The following CPNE4 variants were observed in gnomAD, a reference collection of about 807,000 sequenced individuals.
The protein encoded by CPNE4 is copine 4.
Under a neutral mutation model 67.9 loss-of-function variants are expected in CPNE4, and 25 were observed. The observed-to-expected ratio is 0.37, with a 90% confidence interval of 0.27 to 0.51. CPNE4 has a LOEUF of 0.51. Ranked by LOEUF, CPNE4 falls within the 20% of genes least tolerant of loss-of-function variation. CPNE4 has a pLI of 0.93. For missense variants in CPNE4, 464 were observed against 690.8 expected, an observed-to-expected ratio of 0.67 and a Z score of 3.68; for synonymous variants, 242 against 244.9, an observed-to-expected ratio of 0.99 and a Z score of 0.11.
intron 2 of CPNE4, among the ~76,000 whole-genome samples, chr3:131,878,300 C>T (rs567754757): frequency 1.6e-4 from 24 of 152,210 alleles, no homozygotes; most frequent in African/African-American, 4.8e-4. Flanking sequence ...TGATAATGAA[C>T]GAATGACTAC....
intron 2 of CPNE4, among the ~76,000 whole-genome samples, chr3:131,827,478 C>T (rs1023113312): frequency 7.9e-5 from 12 of 151,996 alleles, no homozygotes; most frequent in Middle Eastern, 3.2e-3. Context: ...AAAGCAGCAA[C>T]GGACAAATAA....
chr3:131,572,941 C>T (rs1291557045), intron 10 of CPNE4, among the ~76,000 whole-genome samples: 1 of 152,026 alleles, frequency 6.6e-6, no homozygotes, highest in Non-Finnish European at 1.5e-5. Context: ...TAAACACTTA[C>T]AGACCAAATT....
chr3:131,831,067 C>T (rs1176806455), intron 2 of CPNE4, among the ~76,000 whole-genome samples: 1 of 151,576 alleles, frequency 6.6e-6, no homozygotes, highest in Admixed American at 6.6e-5. Flanking sequence ...GAGTGGAGGA[C>T]TGTTTTTAAA....
At chr3:131,723,382 G>A (rs919637065) in intron 3 of CPNE4, 64 bp downstream of exon 3, 4 of 1,406,364 alleles carry the variant, frequency 2.8e-6, no homozygotes, top group Non-Finnish European at 4.0e-6. Context: ...GGAAGAGAGG[G>A]AAAGGGGGCA....
At chr3:131,867,775 A>G (rs533395804) in intron 2 of CPNE4, among the ~76,000 whole-genome samples, 8 of 152,256 alleles carry the variant, frequency 5.3e-5, no homozygotes, top group African/African-American at 1.9e-4. Context: ...GAAAAATAAC[A>G]TCCTCTCTTT....
At chr3:131,914,694 C>T (rs1447751637) in intron 1 of CPNE4, among the ~76,000 whole-genome samples, 12 of 152,206 alleles carry the variant, frequency 7.9e-5, no homozygotes, top group Admixed American at 1.3e-4. Flanking sequence ...AACTTGCTTT[C>T]GGGTGGGCAC....
chr3:131,989,093 GC>G (rs10715875), intron 1 of CPNE4, among the ~76,000 whole-genome samples: 3,675 of 152,280 alleles, frequency 0.024, 136 homozygotes, highest in African/African-American at 0.082. Flanking sequence ...TCAGAGTGAT[GC>G]ATTTTAAAGG....
At chr3:131,863,536 G>A (rs148703542) in intron 2 of CPNE4, among the ~76,000 whole-genome samples, 12,905 of 152,138 alleles carry the variant, frequency 0.085, 583 homozygotes, top group East Asian at 0.11. Flanking sequence ...CATATCCTTC[G>A]CCCACTTTTT....
chr3:131,965,058 G>A (rs1482050831), intron 1 of CPNE4, among the ~76,000 whole-genome samples: 1 of 152,140 alleles, frequency 6.6e-6, no homozygotes, highest in Non-Finnish European at 1.5e-5. Context: ...GAAGAGAGTG[G>A]GGGCCAATAT....
intron 1 of CPNE4, among the ~76,000 whole-genome samples, chr3:131,954,894 A>G (rs1034000609): frequency 1.3e-5 from 2 of 150,344 alleles, no homozygotes; most frequent in African/African-American, 4.9e-5. Context: ...CCAGTCTATC[A>G]TTGATGGACA....
At chr3:131,759,352 A>G (rs557892779) in intron 2 of CPNE4, among the ~76,000 whole-genome samples, 1 of 152,294 alleles carries the variant, frequency 6.6e-6, no homozygotes, top group African/African-American at 2.4e-5. Context: ...CTACTTTAGG[A>G]AGCTTGTCAC....
intron 7 of CPNE4, among the ~76,000 whole-genome samples, chr3:131,643,974 C>T (rs985298984): frequency 1.3e-5 from 2 of 152,122 alleles, no homozygotes; most frequent in Non-Finnish European, 2.9e-5. Flanking sequence ...CTTGGTATTT[C>T]TTCATAGCAG....
At chr3:131,552,359 A>G in intron 13 of CPNE4, 81 bp downstream of exon 13, 1 of 1,172,916 alleles carries the variant, frequency 8.5e-7, no homozygotes, top group Non-Finnish European at 1.3e-6. Context: ...CTAATATGCT[A>G]CACCAGCAGA....
intron 2 of CPNE4, among the ~76,000 whole-genome samples, chr3:131,777,407 T>A (rs1436856221): frequency 1.3e-5 from 2 of 151,078 alleles, no homozygotes; most frequent in African/African-American, 4.9e-5. Flanking sequence ...TTTCAAGAAT[T>A]CAGGAATTTC....
At chr3:131,794,610 C>T (rs1229727822) in intron 2 of CPNE4, among the ~76,000 whole-genome samples, 1 of 152,214 alleles carries the variant, frequency 6.6e-6, no homozygotes, top group Non-Finnish European at 1.5e-5. Flanking sequence ...TGAATTTCAA[C>T]TTAGATATCC....
intron 1 of CPNE4, among the ~76,000 whole-genome samples, chr3:131,927,231 CAG>C (rs1317262601): frequency 1.3e-5 from 2 of 152,010 alleles, no homozygotes; most frequent in Non-Finnish European, 2.9e-5. Context: ...TTTTGCTTTT[CAG>C]AGAGTCATGC....
intron 7 of CPNE4, among the ~76,000 whole-genome samples, chr3:131,588,629 T>C (rs1938334709): frequency 6.6e-6 from 1 of 152,198 alleles, no homozygotes; most frequent in Non-Finnish European, 1.5e-5. Flanking sequence ...CATAGATCTA[T>C]AATATGATCT....
chr3:132,003,043 T>C (rs1438473423), intron 1 of CPNE4, among the ~76,000 whole-genome samples: 1 of 152,152 alleles, frequency 6.6e-6, no homozygotes, highest in East Asian at 1.9e-4. Flanking sequence ...ATGATTCATA[T>C]GCACTTTAGG....
chr3:131,605,360 A>G (rs901440947), intron 7 of CPNE4, among the ~76,000 whole-genome samples: 1 of 152,088 alleles, frequency 6.6e-6, no homozygotes, highest in Non-Finnish European at 1.5e-5. Context: ...ATTGTACCTA[A>G]TGAGTAGTTT....
Sources: allele counts gnomAD v4.1 joint callset (sites outside exome capture counted in the v4.1 genomes callset), GRCh38; gene constraint gnomAD v4.1.1; transcripts MANE v1.5; gene names NCBI Gene and HGNC (gene_info 2026-07-23, HGNC 2026-07-21).